Variants in FMNL1 observed in about 807,000 individuals in gnomAD.
FMNL1 encodes formin-like protein 1.
Under a neutral mutation model 121.3 loss-of-function variants are expected in FMNL1, and 43 were observed. The ratio of observed to expected loss-of-function variants is 0.35; its 90% confidence interval spans 0.28 to 0.46. FMNL1 has a LOEUF of 0.46. Ranked by LOEUF, FMNL1 falls within the 20% of genes least tolerant of loss-of-function variation. The pLI, the probability that FMNL1 is intolerant of heterozygous loss-of-function variation, is 1.00. For synonymous variants in FMNL1, 613 were observed against 613.5 expected (o/e 1.00, Z 0.01); for missense variants, 1,191 against 1,482.4 (o/e 0.80, Z 3.23).
In FMNL1 at chr17:45,233,260, C is replaced by T. The variant is rs1158351749; in HGVS notation, c.364C>T (p.Arg122Trp). 6 of 1,561,974 alleles carry T rather than the reference C, an allele frequency of 3.8e-6. No homozygotes were observed. The highest frequency in any genetic ancestry group is 1.2e-5 in the South Asian group (1 of 84,792). Residue 122 changes from arginine (R) to tryptophan (W), a missense_variant, in exon 4 of 27, where the codon CGG becomes TGG. Coordinates refer to ENST00000331495, the MANE Select transcript of FMNL1 (RefSeq NM_005892.4). This position sits in a 1 kb window ranked among gnomAD's most constrained non-coding sequence, Gnocchi z 4.1. ...AGTTCAGGAGTCCACGCAGGTGCTA[C>T]GGGAGCTGGAGACCTCCCTGAGGAC... Reference protein sequence around the residue: ...RRVQESTQVLRELETSLRTNH... With the variant: ...RRVQESTQVLWELETSLRTNH...
intron 1 of FMNL1, among the ~76,000 whole-genome samples, chr17:45,227,595 G>T (rs2043354566): frequency 6.6e-6 from 1 of 152,206 alleles, no homozygotes; most frequent in South Asian, 2.1e-4. Flanking sequence ...TTTGGCCAAA[G>T]CCTTGGAGAC....
intron 6 of FMNL1, 122 bp downstream of exon 6, chr17:45,234,322 C>A: frequency 6.6e-7 from 1 of 1,517,858 alleles, no homozygotes; most frequent in South Asian, 1.2e-5. Flanking sequence ...CATTAGGGGT[C>A]CGAGTAAGGG....
At position 45,240,533 on chromosome 17, in the gene FMNL1, A is replaced by G; in HGVS notation, c.1138A>G (p.Asn380Asp). Residue 380 changes from asparagine (N) to aspartate (D), a missense_variant, in exon 12 of 27, where the codon AAT becomes GAT. Coordinates refer to ENST00000331495, the MANE Select transcript of FMNL1 (RefSeq NM_005892.4). ...GGTGCAGATCCAGGCGTACCTGGAC[A>G]ATATTTTTGATGTGGGGGCGCTGCT... ...LQVQIQAYLD[N>D]IFDVGALLED... is the part of the protein sequence containing the mutation. 1 of 1,613,638 alleles carries G rather than the reference A, an allele frequency of 6.2e-7. No individual in the cohort carries two copies. Among genetic ancestry groups the G allele is most frequent in the Non-Finnish European group, 8.5e-7 (1 of 1,179,902 alleles).
In FMNL1 at chr17:45,233,577, G is replaced by T; in HGVS notation, c.402-71G>T. ...AAAGGGCACCCCAGGGGTCCTTGCT[G>T]TCCCTGTTCTGTGCCCATGTGGGGC... On this transcript the variant is annotated intron_variant, in intron 4 of 26. Coordinates refer to ENST00000331495, the MANE Select transcript of FMNL1 (RefSeq NM_005892.4). The surrounding 1 kb of genome is among the most constrained non-coding windows in gnomAD (Gnocchi z 4.1). The T allele has an allele frequency of 1.3e-6, 2 of 1,576,504 alleles. No individual in the cohort carries two copies. Among genetic ancestry groups the T allele is most frequent in the South Asian group, 2.2e-5 (2 of 89,856 alleles).
intron 1 of FMNL1, 146 bp downstream of exon 1, chr17:45,222,399 G>T: frequency 1.6e-6 from 1 of 628,170 alleles, no homozygotes; most frequent in Non-Finnish European, 2.1e-6. Context: ...AGGTGGGAGC[G>T]ACAGTGGCCT....
In FMNL1 at chr17:45,233,321, T is replaced by G. The variant is rs1181619979; in HGVS notation, c.401+24T>G. 6.5e-7 allele frequency: 1 copy of G among 1,550,168 alleles called. No individual in the cohort carries two copies. ...GGGTGAGTGAGGGCTCAGATCTTCC[T>G]CTCTGGGCCTAGGAAGGCTCTGCTT... On this transcript the variant is annotated intron_variant, in intron 4 of 26. Coordinates refer to ENST00000331495, the MANE Select transcript of FMNL1 (RefSeq NM_005892.4). This position sits in a 1 kb window ranked among gnomAD's most constrained non-coding sequence, Gnocchi z 4.1.
At chr17:45,235,936 C>G (rs2043539755) in intron 6 of FMNL1, among the ~76,000 whole-genome samples, 200 bp from the exon 7 acceptor site, 2 of 152,224 alleles carry the variant, frequency 1.3e-5, no homozygotes, top group Non-Finnish European at 1.5e-5. Flanking sequence ...CTGTGTCCCC[C>G]CTCCTCCAAG....
rs752779421 is a variant in FMNL1, at chr17:45,244,166, C to G, written c.2449-10C>G. On this transcript the variant is annotated splice_polypyrimidine_tract_variant and intron_variant, in intron 18 of 26. Transcript: ENST00000331495. ...TCCAACTTATCTTACCTCCCCCATC[C>G]CACCCCCAGCAACTGAATGCCATCA... 4.3e-6 allele frequency: 7 copies of G among 1,612,706 alleles called. No homozygotes were observed. In the African/African-American group the frequency reaches 5.3e-5, roughly 12 times the overall value.
At position 45,233,126 on chromosome 17, in the gene FMNL1, T is replaced by TGGA; in HGVS notation, c.328-92_328-90dup. 1.6e-6 allele frequency: 2 copies of TGGA among 1,218,698 alleles called. No homozygotes were observed. Among genetic ancestry groups the TGGA allele is most frequent in the Non-Finnish European group, 2.4e-6 (2 of 846,596 alleles). The allele number at this position is 1,218,698 out of a possible 1,614,324, so 75.5% of individuals were successfully genotyped here. A position where few individuals can be genotyped will look rare whatever the true frequency, so the allele number is the denominator to read the frequency against. ...AGCATGAAAGGCCACTTGTGCCAGT[T>TGGA]GGAGGAGGGTGGGCGCTGCTGCCTG... On this transcript the variant is annotated intron_variant, in intron 3 of 26. Transcript: ENST00000331495. This position sits in a 1 kb window ranked among gnomAD's most constrained non-coding sequence, Gnocchi z 4.1.
Position 45,242,030 on chromosome 17 carries a change from C to T in FMNL1, c.1769C>T (p.Pro590Leu). ...LPGDLPPPPP[P>L]PPPPPGTDGP... ...GGAGACCTGCCGCCCCCACCCCCGC[C>T]ACCGCCACCACCTCCGGGCACTGAC... Residue 590 changes from proline (P) to leucine (L), a missense_variant, in exon 15 of 27, where the codon CCA (proline) becomes CTA (leucine). Coordinates refer to ENST00000331495, the MANE Select transcript of FMNL1 (RefSeq NM_005892.4). The T allele has an allele frequency of 7.3e-7, 1 of 1,369,748 alleles. No individual in the cohort carries two copies. Among genetic ancestry groups the T allele is most frequent in the Non-Finnish European group, 9.4e-7 (1 of 1,060,942 alleles). 84.8% of individuals were successfully genotyped at this position (1,369,748 alleles called of 1,614,324 possible). A position where few individuals can be genotyped will look rare whatever the true frequency, so the allele number is the denominator to read the frequency against.
At chr17:45,236,940 C>T (rs777976378) in intron 7 of FMNL1, among the ~76,000 whole-genome samples, 4 of 151,956 alleles carry the variant, frequency 2.6e-5, no homozygotes, top group Admixed American at 6.6e-5. Flanking sequence ...GGCGAAACCC[C>T]GTCTCTACTG....
rs577486429 is a variant in FMNL1 at position 45,247,047 on chromosome 17, C to T, written c.*189C>T. 1.2e-4 allele frequency: 76 copies of T among 638,240 alleles called. No individual in the cohort carries two copies. Among genetic ancestry groups the T allele is most frequent in the Non-Finnish European group, 2.1e-4 (72 of 346,304 alleles). The allele number at this position is 638,240 out of a possible 1,614,324, so 39.5% of individuals were successfully genotyped here. On this transcript the variant is annotated 3_prime_UTR_variant, in exon 27 of 27. Transcript: ENST00000331495. ...GAGGCTCAAGGAAGGTGGTCCTCAG[C>T]TCGGCTGGCCGGGCAGCCCCTCCTC...
chr17:45,230,466 C>T (rs906535414), intron 1 of FMNL1, 138 bp from the exon 2 acceptor site: 10 of 680,636 alleles, frequency 1.5e-5, no homozygotes, highest in African/African-American at 7.3e-5. Context: ...GATAACACTA[C>T]GTATCTCCTA....
Position 45,231,903 on chromosome 17 carries a change from G to T in FMNL1, c.214-464G>T, listed in dbSNP as rs1430394375. Reference sequence around the variant, plus strand: ...TGAGTTCCTTCCCACCCCAGGGCGGGGCCTACGGCAGGACTGACCCCTGCA... The same window carrying T: ...TGAGTTCCTTCCCACCCCAGGGCGGTGCCTACGGCAGGACTGACCCCTGCA... On this transcript the variant is annotated intron_variant, in intron 2 of 26. Coordinates refer to ENST00000331495, the MANE Select transcript of FMNL1 (RefSeq NM_005892.4). The surrounding 1 kb of genome is among the most constrained non-coding windows in gnomAD (Gnocchi z 4.7). Among the ~76,000 whole-genome samples the T allele has an allele frequency of 6.6e-6, 1 of 152,164 alleles. No homozygotes were observed. Among genetic ancestry groups the T allele is most frequent in the East Asian group, 1.9e-4 (1 of 5,194 alleles).
intron 9 of FMNL1, chr17:45,238,324 T>C (rs984427933): frequency 2.2e-6 from 1 of 462,868 alleles, no homozygotes; most frequent in Non-Finnish European, 3.9e-6. Context: ...CTCCAGGGAG[T>C]TGGAACAGTA....
chr17:45,242,905 C>T (rs148380443), intron 16 of FMNL1, among the ~76,000 whole-genome samples: 3 of 152,346 alleles, frequency 2.0e-5, no homozygotes, highest in Non-Finnish European at 4.4e-5. Flanking sequence ...CTTGTGGCCC[C>T]AAGTCTGGAT....
chr17:45,225,950 C>G (rs958145757), intron 1 of FMNL1, among the ~76,000 whole-genome samples: 8 of 152,190 alleles, frequency 5.3e-5, no homozygotes, highest in Admixed American at 4.6e-4. Flanking sequence ...CAGTAACCCC[C>G]CTCCACTGTG....
At position 45,247,099 on chromosome 17, in the gene FMNL1, GT is replaced by G. The variant is rs2043856010; in HGVS notation, c.*242del. 1.7e-6 allele frequency: 1 copy of G among 603,722 alleles called. No homozygotes were observed. Among genetic ancestry groups the G allele is most frequent in the African/African-American group, 1.8e-5 (1 of 54,320 alleles). The allele number at this position is 603,722 out of a possible 1,614,324, so 37.4% of individuals were successfully genotyped here. A position where few individuals can be genotyped will look rare whatever the true frequency, so the allele number is the denominator to read the frequency against. Reference sequence around the variant, plus strand: ...GCTGTGGCCCGCCTCAAACGGGCTGGTGCATCCTCCTCTTGGCCACAGAGGG... The same window carrying G: ...GCTGTGGCCCGCCTCAAACGGGCTGGGCATCCTCCTCTTGGCCACAGAGGG... On this transcript the variant is annotated 3_prime_UTR_variant, in exon 27 of 27. Coordinates refer to ENST00000331495, the MANE Select transcript of FMNL1 (RefSeq NM_005892.4).
chr17:45,234,547 C>T, intron 6 of FMNL1: 1 of 338,356 alleles, frequency 3.0e-6, no homozygotes, highest in Non-Finnish European at 5.8e-6. Flanking sequence ...GCCTGTAATC[C>T]TAGCTACTCA....
Sources: gnomAD v4.1 joint callset for allele counts (sites outside exome capture counted in the v4.1 genomes callset) on GRCh38, gnomAD v4.1.1 for gene constraint, Gnocchi (gnomAD v3.1) non-coding constraint, MANE v1.5 for transcripts, NCBI Gene and HGNC (gene_info 2026-07-23, HGNC 2026-07-21) for gene names.